Variants in CPED1 observed in about 807,000 individuals in gnomAD.
CPED1 encodes the protein cadherin like and PC-esterase domain containing 1.
A neutral mutation model predicts 128.2 loss-of-function variants in CPED1; 114 were observed. The ratio of observed to expected loss-of-function variants is 0.89; its 90% CI spans 0.76 to 1.04. CPED1 has a LOEUF of 1.04. Among genes scored for constraint, CPED1 ranks in the 50% least tolerant of loss-of-function variants. The pLI is 0.00. For missense variants in CPED1, 1,211 were observed against 1,207.1 expected (o/e 1.00, Z -0.05); for synonymous variants, 462 against 426.7 (o/e 1.08, Z -1.02).
At chr7:121,119,321 C>A (rs1795328872) in intron 7 of CPED1, among the ~76,000 whole-genome samples, 1 of 150,760 alleles carries the variant, frequency 6.6e-6, no homozygotes, top group Admixed American at 6.6e-5. Context: ...GCTCCGCCTC[C>A]CGGGTTCAAG....
At chr7:121,098,814 A>AT (rs1563024958) in intron 6 of CPED1, among the ~76,000 whole-genome samples, 1 of 141,936 alleles carries the variant, frequency 7.0e-6, no homozygotes, top group African/African-American at 2.7e-5. Flanking sequence ...ATATATAAAT[A>AT]ATATATATAT....
intron 7 of CPED1, among the ~76,000 whole-genome samples, chr7:121,104,884 T>G (rs1794935617): frequency 6.6e-6 from 1 of 152,118 alleles, no homozygotes; most frequent in Non-Finnish European, 1.5e-5. Context: ...ATGATATAGG[T>G]AAATATTATA....
rs1562986453 is a variant in CPED1 at position 120,997,934 on chromosome 7, AAATAAAAT to A, written c.249+8067_249+8074del. On this transcript the variant is annotated intron_variant, in intron 2 of 22. Transcript: ENST00000310396. ...CAAAACTCGGTCTCGAAAAAAAATA[AAATAAAAT>A]AAAATAAAATAAAATAAAATAAAAT... Among the ~76,000 whole-genome samples the A allele has an allele frequency of 3.6e-3, 459 of 128,380 alleles. 13 individuals are homozygous for A. Among genetic ancestry groups the A allele is most frequent in the African/African-American group, 0.014 (447 of 31,224 alleles). The allele number at this position is 128,380 out of a possible 152,430, so 84.2% of individuals were successfully genotyped here. A position where few individuals can be genotyped will look rare whatever the true frequency, so the allele number is the denominator to read the frequency against.
intron 5 of CPED1, among the ~76,000 whole-genome samples, chr7:121,065,109 T>G (rs1297888382): frequency 1.3e-5 from 2 of 152,180 alleles, no homozygotes; most frequent in Non-Finnish European, 2.9e-5. Flanking sequence ...AAATAATCTA[T>G]CTTAATCCAT....
intron 16 of CPED1, among the ~76,000 whole-genome samples, chr7:121,170,904 A>G (rs1796637164): frequency 6.6e-6 from 1 of 151,876 alleles, no homozygotes; most frequent in Non-Finnish European, 1.5e-5. Context: ...TACAAAAATT[A>G]GCGGGTGTGG....
At chr7:121,029,525 G>A (rs973094131) in intron 3 of CPED1, among the ~76,000 whole-genome samples, 12 of 152,274 alleles carry the variant, frequency 7.9e-5, no homozygotes, top group East Asian at 1.9e-4. Flanking sequence ...TGGCAGGCAC[G>A]TTCCACAGCT....
chr7:121,120,725 G>T (rs927952107), intron 7 of CPED1, among the ~76,000 whole-genome samples: 1 of 151,864 alleles, frequency 6.6e-6, no homozygotes, highest in Non-Finnish European at 1.5e-5. Flanking sequence ...TTCTTCAAAG[G>T]TTTTATTACA....
At chr7:121,019,724 G>A (rs990979375) in intron 3 of CPED1, among the ~76,000 whole-genome samples, 4 of 151,942 alleles carry the variant, frequency 2.6e-5, no homozygotes, top group African/African-American at 7.2e-5. Context: ...ACTTAGCAGA[G>A]TAAACATATG....
chr7:121,191,155 G>A (rs1797128147), intron 16 of CPED1, among the ~76,000 whole-genome samples: 1 of 152,110 alleles, frequency 6.6e-6, no homozygotes, highest in African/African-American at 2.4e-5. Flanking sequence ...AAAAGTAAAA[G>A]AACTGTTTGA....
chr7:121,257,342 A>G (rs977477510), intron 18 of CPED1, among the ~76,000 whole-genome samples: 8 of 152,204 alleles, frequency 5.3e-5, no homozygotes, highest in African/African-American at 1.9e-4. Flanking sequence ...GTGGTAAAGC[A>G]TAGTTGGTTA....
rs1379045526 is a variant in CPED1 at position 121,277,906 on chromosome 7, C to A, written c.2868+6476C>A. ...GGGAAAACTCAAGTAGAAGGTGAAG[C>A]CATGGAAAGCCACAGAGTAACCATT... is the stretch of plus-strand genomic sequence containing the variant. On this transcript the variant is annotated intron_variant, in intron 22 of 22. Coordinates refer to ENST00000310396, the MANE Select transcript of CPED1 (RefSeq NM_024913.5). Among the ~76,000 whole-genome samples the A allele has an allele frequency of 1.8e-4, 28 of 151,922 alleles. 1 individual carries two copies. Among genetic ancestry groups the A allele is most frequent in the Admixed American group, 1.8e-3 (28 of 15,230 alleles).
At chr7:121,254,831 A>G (rs1584635020) in intron 18 of CPED1, among the ~76,000 whole-genome samples, 1 of 152,068 alleles carries the variant, frequency 6.6e-6, no homozygotes, top group African/African-American at 2.4e-5. Context: ...CTAAAAACAC[A>G]CAAACTCCCA....
chr7:121,082,589 T>C (rs532856808), intron 5 of CPED1, among the ~76,000 whole-genome samples: 27 of 152,340 alleles, frequency 1.8e-4, no homozygotes, highest in African/African-American at 4.6e-4. Context: ...TTTTAACTTA[T>C]ATGTCAGACA....
At chr7:121,271,109 T>C (rs1792220122) in intron 21 of CPED1, among the ~76,000 whole-genome samples, 175 bp from the exon 22 acceptor site, 1 of 152,078 alleles carries the variant, frequency 6.6e-6, no homozygotes, top group Admixed American at 6.6e-5. Flanking sequence ...ACATGTATGT[T>C]TCGAGTAAAA....
intron 22 of CPED1, among the ~76,000 whole-genome samples, chr7:121,277,620 T>C (rs933874333): frequency 3.3e-5 from 5 of 152,136 alleles, no homozygotes; most frequent in African/African-American, 1.2e-4. Flanking sequence ...TCAAGGGCTG[T>C]AGGCACTTAG....
rs12536771 is a variant in CPED1, at chr7:121,259,730, G to A, written c.2311-6497G>A. On this transcript the variant is annotated intron_variant, in intron 18 of 22. Coordinates refer to ENST00000310396, the MANE Select transcript of CPED1 (RefSeq NM_024913.5). ...AGCCTGACCTAACTGAATTAAACAA[G>A]CCTTTATTTTGTTTGTCAGTGGAAA... 1.8e-4 allele frequency among the ~76,000 whole-genome samples: 27 copies of A among 152,058 alleles called. No individual in the cohort carries two copies. The East Asian group carries it at 5.0e-3, about 28-fold the overall frequency.
chr7:121,234,916 T>C (rs923648920), intron 16 of CPED1, among the ~76,000 whole-genome samples: 6 of 152,146 alleles, frequency 3.9e-5, no homozygotes, highest in Non-Finnish European at 8.8e-5. Flanking sequence ...TCCATTTAGA[T>C]TTATCCTTAT....
intron 16 of CPED1, among the ~76,000 whole-genome samples, chr7:121,174,141 T>C (rs1296253876): frequency 6.6e-6 from 1 of 152,104 alleles, no homozygotes; most frequent in Non-Finnish European, 1.5e-5. Flanking sequence ...AGATGCATGG[T>C]TTGCAAATAT....
intron 16 of CPED1, among the ~76,000 whole-genome samples, chr7:121,174,225 A>G (rs1392961147): frequency 6.6e-6 from 1 of 152,190 alleles, no homozygotes; most frequent in African/African-American, 2.4e-5. Context: ...CTTAAATTTA[A>G]TTAGATCCCA....
Sources: gnomAD v4.1 joint callset for allele counts (sites outside exome capture counted in the v4.1 genomes callset) on GRCh38, gnomAD v4.1.1 for gene constraint, MANE v1.5 for transcripts, NCBI Gene and HGNC (gene_info 2026-07-23, HGNC 2026-07-21) for gene names.